Variants in HBEGF observed in about 807,000 individuals in gnomAD.
HBEGF encodes the protein proheparin-binding EGF-like growth factor.
A neutral mutation model predicts 19.5 loss-of-function variants in HBEGF; 8 were observed. The observed-to-expected ratio is 0.41, with a 90% CI of 0.24 to 0.74. The LOEUF (loss-of-function observed/expected upper bound fraction) is 0.74, where lower values mean the gene tolerates loss of function less well. Ranked by LOEUF, HBEGF falls within the 30% of genes least tolerant of loss-of-function variation. The pLI, the probability that HBEGF is intolerant of heterozygous loss-of-function variation, is 0.32. For missense variants in HBEGF, 207 were observed against 256.9 expected (o/e 0.81, Z 1.33); for synonymous variants, 97 against 108.9 (o/e 0.89, Z 0.68).
rs776869157 is a variant in HBEGF, at chr5:140,345,892, G to C, written c.220+19C>G. On this transcript the variant is annotated intron_variant, in intron 2 of 5. Transcript: ENST00000230990. Reference sequence around the variant, plus strand: ...CAACAGCCCACCAAGGTCCAAGGATGGGGGGCCTCCACACCCACCTCTCAA... The same window carrying C: ...CAACAGCCCACCAAGGTCCAAGGATCGGGGGCCTCCACACCCACCTCTCAA... 4.3e-6 allele frequency: 7 copies of C among 1,613,502 alleles called. No homozygotes were observed. Among genetic ancestry groups the C allele is most frequent in the Admixed American group, 3.3e-5 (2 of 59,920 alleles).
chr5:140,343,521 C>T (rs1766347102), intron 2 of HBEGF, among the ~76,000 whole-genome samples: 1 of 152,178 alleles, frequency 6.6e-6, no homozygotes, highest in African/African-American at 2.4e-5. Flanking sequence ...CCCCCAATGT[C>T]CTGTTTATAG....
intron 3 of HBEGF, among the ~76,000 whole-genome samples, chr5:140,338,581 T>C (rs1487127530): frequency 6.6e-6 from 1 of 152,054 alleles, no homozygotes; most frequent in East Asian, 1.9e-4. Context: ...AGTTACATAA[T>C]CCCTCCACCC....
Position 140,346,259 on chromosome 5 carries a change from C to CG in HBEGF, c.46+23dup. 1.9e-6 allele frequency: 3 copies of CG among 1,595,954 alleles called. No homozygotes were observed. Among genetic ancestry groups the CG allele is most frequent in the South Asian group, 1.1e-5 (1 of 88,566 alleles). Reference sequence around the variant, plus strand: ...ACAACGCCCCCATCCCCCCGATCTCCGGGGGCGTCGGCAGCCCTCTTACCT... The same window carrying CG: ...ACAACGCCCCCATCCCCCCGATCTCCGGGGGGCGTCGGCAGCCCTCTTACCT... On this transcript the variant is annotated intron_variant, in intron 1 of 5. Coordinates refer to ENST00000230990, the MANE Select transcript of HBEGF (RefSeq NM_001945.3). This position sits in a 1 kb window ranked among gnomAD's most constrained non-coding sequence, Gnocchi z 6.1.
At position 140,346,146 on chromosome 5, in the gene HBEGF, A is replaced by G; in HGVS notation, c.47-62T>C. ...CCAGACCCCTGACCAACACGCACCG[A>G]TGCCGACGCCCGTCCGCCAGAGCGC... On this transcript the variant is annotated intron_variant, in intron 1 of 5. Transcript: ENST00000230990. The surrounding 1 kb of genome is among the most constrained non-coding windows in gnomAD (Gnocchi z 6.1). 1 of 1,574,368 alleles carries G rather than the reference A, an allele frequency of 6.4e-7. No homozygotes were observed. Among genetic ancestry groups the G allele is most frequent in the Non-Finnish European group, 8.6e-7 (1 of 1,161,100 alleles).
intron 2 of HBEGF, chr5:140,343,165 CCACA>C: frequency 4.5e-6 from 1 of 224,422 alleles, no homozygotes; most frequent in Non-Finnish European, 8.9e-6. Flanking sequence ...TCCTACTCCC[CCACA>C]CCCACTTCAT....
chr5:140,346,490 G>C lies in HBEGF; in HGVS notation c.-162C>G, dbSNP rs922755796. On this transcript the variant is annotated 5_prime_UTR_variant, in exon 1 of 6. Transcript: ENST00000230990. The surrounding 1 kb of genome is among the most constrained non-coding windows in gnomAD (Gnocchi z 6.1). ...CCTGGCCGGGACCCAGGCGCAGCTCGCTCTTCTTGAGTGTCTTGTCTTGCT... is the reference window on the plus strand; with the variant it reads ...CCTGGCCGGGACCCAGGCGCAGCTCCCTCTTCTTGAGTGTCTTGTCTTGCT... The C allele has an allele frequency of 1.9e-5, 15 of 777,482 alleles. No homozygotes were observed. Among genetic ancestry groups the C allele is most frequent in the Admixed American group, 1.3e-4 (5 of 39,444 alleles). 48.2% of individuals were successfully genotyped at this position (777,482 alleles called of 1,614,324 possible).
intron 4 of HBEGF, among the ~76,000 whole-genome samples, chr5:140,335,353 C>T (rs546999725): frequency 1.4e-5 from 2 of 145,710 alleles, no homozygotes; most frequent in Non-Finnish European, 3.0e-5. Flanking sequence ...CACTGCACTC[C>T]AGCCTGGGCG....
At chr5:140,339,788 G>A (rs978974256) in intron 3 of HBEGF, among the ~76,000 whole-genome samples, 1 of 152,140 alleles carries the variant, frequency 6.6e-6, no homozygotes, top group Admixed American at 6.5e-5. Context: ...AAGCCAGCTA[G>A]CCTCAGGCTC....
intron 3 of HBEGF, 134 bp from the exon 4 acceptor site, chr5:140,336,161 C>A: frequency 1.3e-6 from 1 of 794,526 alleles, no homozygotes. Context: ...CCTGCCCATC[C>A]TCCATCCTTC....
chr5:140,343,564 G>A (rs1341095530), intron 2 of HBEGF, among the ~76,000 whole-genome samples: 1 of 152,104 alleles, frequency 6.6e-6, no homozygotes, highest in Non-Finnish European at 1.5e-5. Flanking sequence ...GGTGTACAAG[G>A]GATAGAAAAA....
rs1408997080 is a variant in HBEGF, at chr5:140,346,588, G to C, written c.-260C>G. 3.8e-6 allele frequency: 2 copies of C among 523,588 alleles called. No homozygotes were observed. Among genetic ancestry groups the C allele is most frequent in the African/African-American group, 2.0e-5 (1 of 48,954 alleles). The allele number at this position is 523,588 out of a possible 1,614,324, so 32.4% of individuals were successfully genotyped here. The stretch of plus-strand genomic sequence containing the variant: ...GCCAGCCAGCAGCGTGGCCCGCGTA[G>C]CTCCTTCGGCCGAATGAGCGCTGCC... On this transcript the variant is annotated 5_prime_UTR_variant, in exon 1 of 6. Transcript: ENST00000230990. This position sits in a 1 kb window ranked among gnomAD's most constrained non-coding sequence, Gnocchi z 6.1.
rs866569902 is a variant in HBEGF at position 140,346,209 on chromosome 5, G to A, written c.46+74C>T. 4.0e-5 allele frequency: 63 copies of A among 1,557,534 alleles called. No individual in the cohort carries two copies. In the Middle Eastern group the frequency reaches 8.4e-4, roughly 21 times the overall value. On this transcript the variant is annotated intron_variant, in intron 1 of 5. Transcript: ENST00000230990. This position sits in a 1 kb window ranked among gnomAD's most constrained non-coding sequence, Gnocchi z 6.1. ...AAGTGGCCCGTGCCGGGTGCGCTGC[G>A]GCGACCTTCCCCCATGCCCCCAGCA... is the stretch of plus-strand genomic sequence containing the variant.
chr5:140,338,623 C>A (rs1766262945), intron 3 of HBEGF, among the ~76,000 whole-genome samples: 1 of 152,090 alleles, frequency 6.6e-6, no homozygotes, highest in Non-Finnish European at 1.5e-5. Context: ...ATAATGTAAA[C>A]ATCCTAATAT....
In HBEGF at chr5:140,333,957, TC is replaced by T. The variant is rs1766190605; in HGVS notation, c.*341del. 1 of 152,422 alleles carries T rather than the reference TC, an allele frequency of 6.6e-6. No homozygotes were observed. Among genetic ancestry groups the T allele is most frequent in the East Asian group, 1.9e-4 (1 of 5,198 alleles). The allele number at this position is 152,422 out of a possible 1,614,324, so 9.4% of individuals were successfully genotyped here. Reference sequence around the variant, plus strand: ...CTTCTTTTTTTTTTTCAGTCAAAGATCCTGGAGCATATGGAATTTAACCGGC... The same window carrying T: ...CTTCTTTTTTTTTTTCAGTCAAAGATCTGGAGCATATGGAATTTAACCGGC... On this transcript the variant is annotated 3_prime_UTR_variant, in exon 6 of 6. Transcript: ENST00000230990.
intron 3 of HBEGF, among the ~76,000 whole-genome samples, chr5:140,342,108 G>A (rs1766321893): frequency 6.6e-6 from 1 of 152,226 alleles, no homozygotes; most frequent in African/African-American, 2.4e-5. Flanking sequence ...AAGAAAGAGA[G>A]GCCTCAACCT....
chr5:140,336,783 C>G (rs187267414), intron 3 of HBEGF, among the ~76,000 whole-genome samples: 113 of 152,148 alleles, frequency 7.4e-4, no homozygotes, highest in Non-Finnish European at 1.4e-3. Context: ...GCTCTTCTCA[C>G]TCAAGAAATA....
At chr5:140,338,404 G>A (rs927378684) in intron 3 of HBEGF, among the ~76,000 whole-genome samples, 1 of 152,186 alleles carries the variant, frequency 6.6e-6, no homozygotes, top group African/African-American at 2.4e-5. Context: ...CTAGTGAGTC[G>A]TAGAGCCAGG....
Position 140,346,571 on chromosome 5 carries a change from G to A in HBEGF, c.-243C>T. 1.8e-6 allele frequency: 1 copy of A among 565,598 alleles called. No individual in the cohort carries two copies. The highest frequency in any genetic ancestry group is 3.1e-6 in the Non-Finnish European group (1 of 319,914). The allele number at this position is 565,598 out of a possible 1,614,324, so 35.0% of individuals were successfully genotyped here. A position where few individuals can be genotyped will look rare whatever the true frequency, so the allele number is the denominator to read the frequency against. On this transcript the variant is annotated 5_prime_UTR_variant, in exon 1 of 6. Coordinates refer to ENST00000230990, the MANE Select transcript of HBEGF (RefSeq NM_001945.3). The surrounding 1 kb of genome is among the most constrained non-coding windows in gnomAD (Gnocchi z 6.1). ...CCGCGCGCCTAGGTCAGGCCAGCCA[G>A]CAGCGTGGCCCGCGTAGCTCCTTCG...
intron 3 of HBEGF, among the ~76,000 whole-genome samples, chr5:140,340,825 G>A (rs1418249710): frequency 4.6e-5 from 7 of 152,172 alleles, no homozygotes; most frequent in African/African-American, 1.2e-4. Context: ...TTGAGGGCAT[G>A]AAAAGCATGT....
Sources: allele counts gnomAD v4.1 joint callset (sites outside exome capture counted in the v4.1 genomes callset), GRCh38; gene constraint gnomAD v4.1.1; non-coding constraint Gnocchi (gnomAD v3.1); transcripts MANE v1.5; gene names NCBI Gene and HGNC (gene_info 2026-07-23, HGNC 2026-07-21).